The following ATG13 variants were observed in gnomAD, a reference collection of about 807,000 sequenced individuals.
ATG13 encodes autophagy-related protein 13.
ATG13 carries 23 observed loss-of-function variants against 65.5 expected under a neutral mutation model. That is an observed-to-expected ratio of 0.35 (90% CI 0.25 to 0.50). The LOEUF (loss-of-function observed/expected upper bound fraction) is 0.50, where lower values mean the gene tolerates loss of function less well. ATG13 is among the 20% of genes least tolerant of loss of function. ATG13 has a pLI of 0.98. For synonymous variants in ATG13, 252 were observed against 245.2 expected (o/e 1.03, Z -0.26); for missense variants, 566 against 677.0 (o/e 0.84, Z 1.82).
chr11:46,672,231 C>A, intron 18 of ATG13, 24 bp from the exon 19 acceptor site: 1 of 1,614,002 alleles, frequency 6.2e-7, no homozygotes, highest in Non-Finnish European at 8.5e-7. Context: ...GAATAAACGG[C>A]TCTTCCCTCT....
chr11:46,663,005 C>T (rs1186847396), intron 11 of ATG13, among the ~76,000 whole-genome samples: 1 of 152,250 alleles, frequency 6.6e-6, no homozygotes, highest in East Asian at 1.9e-4. Flanking sequence ...GTGGCTCACA[C>T]CTGTAATCCC....
intron 15 of ATG13, 119 bp from the exon 16 acceptor site, chr11:46,668,380 C>CA (rs1592262191): frequency 1.5e-5 from 15 of 974,756 alleles, no homozygotes; most frequent in Non-Finnish European, 2.4e-5. Flanking sequence ...GCCTAAGGGG[C>CA]AGCATGGTCA....
At chr11:46,671,532 T>TC (rs1366179857) in intron 18 of ATG13, among the ~76,000 whole-genome samples, 3 of 152,110 alleles carry the variant, frequency 2.0e-5, no homozygotes, top group Admixed American at 2.0e-4. Flanking sequence ...CATCAGGAGT[T>TC]CAAGACCAGC....
intron 2 of ATG13, among the ~76,000 whole-genome samples, chr11:46,642,234 C>T (rs1201224550): frequency 6.6e-6 from 1 of 151,528 alleles, no homozygotes; most frequent in Admixed American, 6.6e-5. Flanking sequence ...AACTCTGCTA[C>T]TCCTTTGTCC....
intron 1 of ATG13, among the ~76,000 whole-genome samples, chr11:46,627,771 G>T (rs1363532661): frequency 6.6e-6 from 1 of 152,040 alleles, no homozygotes; most frequent in Non-Finnish European, 1.5e-5. Flanking sequence ...GAGCCACCGT[G>T]CCTGGCCTGA....
At chr11:46,633,423 G>A (rs1006951269) in intron 2 of ATG13, among the ~76,000 whole-genome samples, 1 of 150,866 alleles carries the variant, frequency 6.6e-6, no homozygotes, top group Admixed American at 6.6e-5. Context: ...ATCTTGGCTC[G>A]TGCAACCTCC....
At chr11:46,630,415 C>T (rs2051268290) in intron 2 of ATG13, among the ~76,000 whole-genome samples, 1 of 152,110 alleles carries the variant, frequency 6.6e-6, no homozygotes, top group Admixed American at 6.6e-5. Flanking sequence ...CCAAACACCG[C>T]TTGTGTGTTT....
rs764420550 is a variant in ATG13 at position 46,665,392 on chromosome 11, C to T, written c.1009C>T (p.Pro337Ser). The change falls in exon 14 of 19, where the codon CCT becomes TCT. Residue 337 changes from proline (P) to serine (S), a missense_variant. This residue lies in a region of ATG13 where 387 missense variants were observed against 409.8 expected (regional missense o/e 0.94). Transcript: ENST00000683050. ...CCATTTTTCCCCAAAGCTGATGGTTCCTGGGAAGGAAGGTGGGGTACCCCT... is the reference window on the plus strand; with the variant it reads ...CCATTTTTCCCCAAAGCTGATGGTTTCTGGGAAGGAAGGTGGGGTACCCCT... Reference protein sequence around the residue: ...NATHPHQLMVPGKEGGVPLAP... With the variant: ...NATHPHQLMVSGKEGGVPLAP... 6 of 1,613,850 alleles carry T rather than the reference C, an allele frequency of 3.7e-6. No homozygotes were observed. The East Asian group carries it at 8.9e-5, about 24-fold the overall frequency.
At chr11:46,648,073 G>C (rs1400628111) in intron 5 of ATG13, among the ~76,000 whole-genome samples, 1 of 151,754 alleles carries the variant, frequency 6.6e-6, no homozygotes, top group African/African-American at 2.4e-5. Flanking sequence ...AATCCCAGCT[G>C]AGTGACTTTA....
chr11:46,647,866 C>G (rs931561426), intron 5 of ATG13, among the ~76,000 whole-genome samples: 1 of 151,716 alleles, frequency 6.6e-6, no homozygotes, highest in East Asian at 1.9e-4. Context: ...CTGCCTCACA[C>G]TCCAAAAGTG....
intron 2 of ATG13, among the ~76,000 whole-genome samples, chr11:46,638,866 G>A (rs1166178672): frequency 6.6e-6 from 1 of 152,120 alleles, no homozygotes; most frequent in Non-Finnish European, 1.5e-5. Context: ...GGAGTGCAAT[G>A]TTGTGGTATT....
chr11:46,669,326 T>C (rs113582558), intron 17 of ATG13, 78 bp from the exon 18 acceptor site: 16 of 1,538,778 alleles, frequency 1.0e-5, no homozygotes, highest in African/African-American at 9.6e-5. Flanking sequence ...TGATAATTGC[T>C]AGAAGGAAAG....
Position 46,656,248 on chromosome 11 carries a change from A to C in ATG13, c.474A>C (p.Glu158Asp). Residue 158 changes from glutamate (E) to aspartate (D), a missense_variant, in exon 8 of 19, where the codon GAA becomes GAC. By Grantham distance (45) the Glu-to-Asp change is conservative. Around this residue, in one of 2 missense-constraint regions of ATG13, gnomAD observed 179 missense variants for 267.2 expected, o/e 0.67. Transcript: ENST00000683050. The part of the protein sequence containing the change: ...YVILYRIYFG[E>D]VQLSGLGEGF... ...TTCCATACAGGATATATTTTGGAGA[A>C]GTTCAGCTGAGTGGCTTAGGAGAAG... 6.2e-7 allele frequency: 1 copy of C among 1,613,224 alleles called. No individual in the cohort carries two copies. Among genetic ancestry groups the C allele is most frequent in the Non-Finnish European group, 8.5e-7 (1 of 1,179,180 alleles).
intron 2 of ATG13, chr11:46,632,206 T>G (rs1418070655): frequency 6.6e-6 from 1 of 152,178 alleles, no homozygotes; most frequent in African/African-American, 2.4e-5. Flanking sequence ...TTTACCTGAT[T>G]AAGGCATTTT....
rs1262412573 is a variant in ATG13, at chr11:46,663,996, G to A, written c.790-1G>A. Reference sequence around the variant, plus strand: ...CTGTCTCTGTGTGTGTCTGTGCACAGTGTGTGTTTACTGTCACAAAGGCAC... The same window carrying A: ...CTGTCTCTGTGTGTGTCTGTGCACAATGTGTGTTTACTGTCACAAAGGCAC... On this transcript the variant is annotated splice_acceptor_variant, in intron 11 of 18. Coordinates refer to ENST00000683050, the MANE Select transcript of ATG13 (RefSeq NM_001346311.2). LOFTEE classifies it high-confidence loss of function. 1 of 1,494,364 alleles carries A rather than the reference G, an allele frequency of 6.7e-7. No homozygotes were observed. The highest frequency in any genetic ancestry group is 9.1e-7 in the Non-Finnish European group (1 of 1,097,040). The allele number at this position is 1,494,364 out of a possible 1,614,324, so 92.6% of individuals were successfully genotyped here. A position where few individuals can be genotyped will look rare whatever the true frequency, so the allele number is the denominator to read the frequency against.
intron 12 of ATG13, 23 bp downstream of exon 12, chr11:46,664,118 G>A: frequency 6.7e-7 from 1 of 1,498,232 alleles, no homozygotes; most frequent in Non-Finnish European, 9.1e-7. Flanking sequence ...TGGGAAGAAG[G>A]GGATATAATC....
intron 5 of ATG13, 79 bp from the exon 6 acceptor site, chr11:46,649,058 T>G: frequency 7.8e-7 from 1 of 1,287,394 alleles, no homozygotes; most frequent in Non-Finnish European, 1.1e-6. Flanking sequence ...TCTATACCTT[T>G]TAATATTTTT....
At chr11:46,622,092 TA>T (rs1565397483) in intron 1 of ATG13, among the ~76,000 whole-genome samples, 7 of 50,324 alleles carry the variant, frequency 1.4e-4, no homozygotes, top group African/African-American at 8.3e-4. Context: ...TATATATATA[TA>T]TATATATATA....
At chr11:46,665,306 C>T in intron 13 of ATG13, 77 bp from the exon 14 acceptor site, 2 of 1,527,382 alleles carry the variant, frequency 1.3e-6, no homozygotes, top group Non-Finnish European at 1.8e-6. Flanking sequence ...AAAGCAGATA[C>T]CATCATGCTA....
Sources: gnomAD v4.1 joint callset for allele counts (sites outside exome capture counted in the v4.1 genomes callset) on GRCh38, gnomAD v4.1.1 for gene constraint, gnomAD v4.1.1 regional missense constraint, MANE v1.5 for transcripts, NCBI Gene and HGNC (gene_info 2026-07-23, HGNC 2026-07-21) for gene names.